Variants in UGGT2 observed in about 807,000 individuals in gnomAD.
UGGT2 encodes UDP-glucose glycoprotein glucosyltransferase 2.
UGGT2 carries 180 observed loss-of-function variants against 192.1 expected under a neutral mutation model. That is an observed-to-expected ratio of 0.94 (90% CI 0.83 to 1.06). UGGT2 has a LOEUF of 1.06. Ranked by LOEUF, UGGT2 falls within the 50% of genes least tolerant of loss-of-function variation. The probability of loss-of-function intolerance (pLI) is 0.00; values close to 1 mark genes in which losing one functional copy is unlikely to be tolerated. For missense variants in UGGT2, 1,849 were observed against 1,795.7 expected (o/e 1.03, Z -0.54); for synonymous variants, 580 against 591.0 (o/e 0.98, Z 0.27).
At chr13:95,814,097 C>T (rs1884703308) in intron 38 of UGGT2, among the ~76,000 whole-genome samples, 3 of 152,206 alleles carry the variant, frequency 2.0e-5, no homozygotes, top group Admixed American at 2.0e-4. Flanking sequence ...TTAGAGAGAA[C>T]CTCTACTAGG....
At chr13:95,831,899 T>TA (rs1886733986) in intron 38 of UGGT2, among the ~76,000 whole-genome samples, 1 of 151,820 alleles carries the variant, frequency 6.6e-6, no homozygotes, top group Non-Finnish European at 1.5e-5. Context: ...TCTCTCCCTT[T>TA]AAAAAAAGTC....
chr13:95,874,139 C>A (rs1891454206), intron 29 of UGGT2, among the ~76,000 whole-genome samples: 1 of 152,110 alleles, frequency 6.6e-6, no homozygotes. Context: ...TTCCACCTCA[C>A]CAAGTGATTT....
intron 38 of UGGT2, among the ~76,000 whole-genome samples, chr13:95,809,815 C>A (rs920383838): frequency 1.3e-5 from 2 of 152,204 alleles, no homozygotes; most frequent in African/African-American, 4.8e-5. Flanking sequence ...GCATTAAATT[C>A]TCCAGTTTTA....
chr13:95,900,802 C>T lies in UGGT2; in HGVS notation c.2634+5G>A. On this transcript the variant is annotated splice_donor_5th_base_variant and intron_variant, in intron 22 of 38. Coordinates refer to ENST00000376747, the MANE Select transcript of UGGT2 (RefSeq NM_020121.4). ...GAAAAGAGAGCAATAGCTTTTTCTA[C>T]TTACTCTCCCATTGCTGACAATACC... 2 of 1,603,598 alleles carry T rather than the reference C, an allele frequency of 1.2e-6. No homozygotes were observed. The highest frequency in any genetic ancestry group is 1.7e-6 in the Non-Finnish European group (2 of 1,175,992).
At chr13:95,862,937 ACTGCAGCTTTGACC>A (rs1594176907) in intron 31 of UGGT2, among the ~76,000 whole-genome samples, 2 of 152,268 alleles carry the variant, frequency 1.3e-5, no homozygotes, top group East Asian at 3.9e-4. Context: ...ATCTTGACTT[ACTGCAGCTTTGACC>A]TCCCAGACTC....
intron 15 of UGGT2, among the ~76,000 whole-genome samples, chr13:95,943,235 C>T (rs1425399117): frequency 6.6e-6 from 1 of 152,002 alleles, no homozygotes; most frequent in Non-Finnish European, 1.5e-5. Context: ...CAAAAATCCC[C>T]AAAATTCCAC....
At chr13:95,828,386 G>A (rs551317850) in intron 38 of UGGT2, among the ~76,000 whole-genome samples, 25 of 152,122 alleles carry the variant, frequency 1.6e-4, no homozygotes, top group Non-Finnish European at 2.5e-4. Context: ...TCAGGAGCTG[G>A]TTTTTTGAAA....
chr13:95,861,448 A>T (rs892490593), intron 31 of UGGT2, among the ~76,000 whole-genome samples: 2 of 152,100 alleles, frequency 1.3e-5, no homozygotes, highest in Admixed American at 1.3e-4. Flanking sequence ...CAAAGAAAGC[A>T]CTAGGGAACC....
chr13:95,820,288 T>C lies in UGGT2; in HGVS notation c.4528+12639A>G, dbSNP rs148611127. 8.3e-4 allele frequency among the ~76,000 whole-genome samples: 126 copies of C among 152,226 alleles called. 2 individuals carry two copies. The East Asian group carries it at 0.024, about 29-fold the overall frequency. On this transcript the variant is annotated intron_variant, in intron 38 of 38. Coordinates refer to ENST00000376747, the MANE Select transcript of UGGT2 (RefSeq NM_020121.4). ...TTGCCAAAACTGACTCCAGAAGCTATATAAAGCCTGAACAGATTAATTTCC... is the reference window on the plus strand; with the variant it reads ...TTGCCAAAACTGACTCCAGAAGCTACATAAAGCCTGAACAGATTAATTTCC...
At chr13:95,856,826 A>G in intron 33 of UGGT2, 1 of 214,772 alleles carries the variant, frequency 4.7e-6, no homozygotes, top group South Asian at 6.8e-5. Flanking sequence ...TGTTTGAGAT[A>G]TATCATTATT....
intron 15 of UGGT2, among the ~76,000 whole-genome samples, chr13:95,945,227 C>A (rs1447063531): frequency 6.6e-6 from 1 of 151,996 alleles, no homozygotes; most frequent in African/African-American, 2.4e-5. Context: ...TTATATTCTT[C>A]TCTCTTTATA....
chr13:96,041,249 A>T (rs1267703913), intron 1 of UGGT2, among the ~76,000 whole-genome samples: 4 of 152,196 alleles, frequency 2.6e-5, no homozygotes, highest in African/African-American at 7.2e-5. Flanking sequence ...GAAGGTGTAT[A>T]TCACTGGAGA....
chr13:95,843,463 TTAA>T (rs1203902682), intron 36 of UGGT2, among the ~76,000 whole-genome samples: 2 of 152,176 alleles, frequency 1.3e-5, no homozygotes, highest in Non-Finnish European at 2.9e-5. Flanking sequence ...TATTTTATTA[TTAA>T]TAAGTTTTGG....
chr13:95,939,517 T>G (rs1216887806), intron 16 of UGGT2, among the ~76,000 whole-genome samples: 1 of 149,000 alleles, frequency 6.7e-6, no homozygotes, highest in African/African-American at 2.4e-5. Flanking sequence ...ATCTTCTGGG[T>G]TGAGTCTCTA....
intron 1 of UGGT2, among the ~76,000 whole-genome samples, chr13:96,034,870 C>T (rs2052952568): frequency 6.6e-6 from 1 of 152,202 alleles, no homozygotes; most frequent in East Asian, 1.9e-4. Flanking sequence ...CACCTGGCTC[C>T]CCCTTGGCAG....
chr13:96,025,798 C>CAAATAAGAACTAGAAAGA (rs1356627491), intron 2 of UGGT2, among the ~76,000 whole-genome samples: 1 of 151,588 alleles, frequency 6.6e-6, no homozygotes, highest in African/African-American at 2.4e-5. Context: ...TGAAAGAATA[C>CAAATAAGAACTAGAAAGA]AAATAAGAAC....
intron 29 of UGGT2, among the ~76,000 whole-genome samples, chr13:95,871,419 C>T (rs1891212129): frequency 6.6e-6 from 1 of 152,154 alleles, no homozygotes; most frequent in African/African-American, 2.4e-5. Flanking sequence ...TGAGTCTCCA[C>T]CACTACACCC....
intron 12 of UGGT2, among the ~76,000 whole-genome samples, chr13:95,963,497 C>G (rs551907600): frequency 6.6e-6 from 1 of 152,090 alleles, no homozygotes; most frequent in African/African-American, 2.4e-5. Context: ...ACAAGGATGC[C>G]CACTTTCACC....
chr13:95,809,453 G>T, intron 38 of UGGT2: 1 of 374,846 alleles, frequency 2.7e-6, no homozygotes. Context: ...TTTCCCTTTT[G>T]TTTGCACGTT....
Sources: gnomAD v4.1 joint callset for allele counts (sites outside exome capture counted in the v4.1 genomes callset) on GRCh38, gnomAD v4.1.1 for gene constraint, MANE v1.5 for transcripts, NCBI Gene and HGNC (gene_info 2026-07-23, HGNC 2026-07-21) for gene names.